Variants in ELF2 observed in about 807,000 individuals in gnomAD.
ELF2 encodes E74 like ETS transcription factor 2.
Under a neutral mutation model 54.8 loss-of-function variants are expected in ELF2, and 11 were observed. That is an observed-to-expected ratio of 0.20 (90% CI 0.13 to 0.33). The LOEUF is 0.33. Ranked by LOEUF, ELF2 falls within the 10% of genes least tolerant of loss-of-function variation. ELF2 has a pLI of 1.00. For synonymous variants in ELF2, 203 were observed against 245.1 expected, an observed-to-expected ratio of 0.83 and a Z score of 1.61; for missense variants, 513 against 703.0, an observed-to-expected ratio of 0.73 and a Z score of 3.06.
At chr4:139,153,326 T>C (rs1008946924) in intron 1 of ELF2, among the ~76,000 whole-genome samples, 1 of 151,990 alleles carries the variant, frequency 6.6e-6, no homozygotes, top group South Asian at 2.1e-4. Flanking sequence ...TCCCAGCTAC[T>C]CAGGAGGCTG....
At chr4:139,084,066 C>T (rs1731601461) in intron 4 of ELF2, 1 of 1,609,198 alleles carries the variant, frequency 6.2e-7, no homozygotes, top group African/African-American at 1.3e-5. Context: ...AGGGGAGTCA[C>T]CCCGCCTTCT....
chr4:139,071,958 A>G lies in ELF2; in HGVS notation c.434T>C (p.Val145Ala). ...AMRPDVITETVVEVSTEESEP... is the reference protein window; with the variant it reads ...AMRPDVITETAVEVSTEESEP... Reference sequence around the variant, plus strand: ...AGACTCTTCAGTTGACACCTCCACTACAGTTTCTGTAATGACATCTGGCCT... The same window carrying G: ...AGACTCTTCAGTTGACACCTCCACTGCAGTTTCTGTAATGACATCTGGCCT... The change falls in exon 6 of 10, where the codon GTA becomes GCA. Residue 145 changes from valine (V) to alanine (A), a missense_variant. This residue lies in a region of ELF2 where 203 missense variants were observed against 245.9 expected (regional missense o/e 0.83). Transcript: ENST00000686138. The G allele has an allele frequency of 6.2e-7, 1 of 1,614,018 alleles. No homozygotes were observed. Among genetic ancestry groups the G allele is most frequent in the South Asian group, 1.1e-5 (1 of 91,074 alleles).
At chr4:139,088,103 G>A (rs1004248198) in intron 4 of ELF2, among the ~76,000 whole-genome samples, 2 of 151,850 alleles carry the variant, frequency 1.3e-5, no homozygotes, top group Non-Finnish European at 2.9e-5. Context: ...CCTGGCCAAG[G>A]TGGTGACAGC....
At chr4:139,097,123 G>A (rs916030597) in intron 4 of ELF2, among the ~76,000 whole-genome samples, 11 of 152,042 alleles carry the variant, frequency 7.2e-5, no homozygotes, top group Admixed American at 5.2e-4. Flanking sequence ...TACATTCAAA[G>A]CTATTATATT....
intron 7 of ELF2, among the ~76,000 whole-genome samples, chr4:139,063,292 C>G (rs7697786): frequency 0.17 from 26,350 of 151,926 alleles, 2,824 homozygotes; most frequent in South Asian, 0.34. Context: ...ATTACTGCCT[C>G]TAAAAACAGA....
At chr4:139,140,854 A>G (rs892625102) in intron 1 of ELF2, among the ~76,000 whole-genome samples, 1 of 152,110 alleles carries the variant, frequency 6.6e-6, no homozygotes, top group Non-Finnish European at 1.5e-5. Context: ...TAGATAAGAA[A>G]TCTTTTATAT....
intron 1 of ELF2, among the ~76,000 whole-genome samples, chr4:139,158,115 G>C (rs1160241872): frequency 1.3e-5 from 2 of 152,148 alleles, no homozygotes; most frequent in African/African-American, 4.8e-5. Context: ...TATAGGATTT[G>C]GGTAGGTAAT....
intron 4 of ELF2, among the ~76,000 whole-genome samples, chr4:139,078,938 CTG>C (rs796414329): frequency 2.6e-5 from 4 of 152,070 alleles, no homozygotes; most frequent in African/African-American, 7.2e-5. Context: ...TGAAAAATAA[CTG>C]TTTTTTGAGA....
Position 139,173,385 on chromosome 4 carries a change from A to G in ELF2, c.-252+3582T>C, listed in dbSNP as rs574823597. Among the ~76,000 whole-genome samples the G allele has an allele frequency of 2.0e-5, 3 of 152,340 alleles. No homozygotes were observed. In the East Asian group the frequency reaches 5.8e-4, roughly 29 times the overall value. The stretch of plus-strand genomic sequence containing the variant: ...GCAGCATAATAGCCCAAAAAAATAG[A>G]AACTTAAATGTCCATCAACTGATGC... On this transcript the variant is annotated intron_variant, in intron 1 of 9. Transcript: ENST00000686138.
chr4:139,078,576 T>C (rs1328345370), intron 4 of ELF2, among the ~76,000 whole-genome samples: 4 of 84,536 alleles, frequency 4.7e-5, no homozygotes, highest in African/African-American at 1.9e-4. Context: ...TGGCAATTCT[T>C]TTTTTTTTTT....
intron 3 of ELF2, chr4:139,137,417 T>C: frequency 1.7e-6 from 1 of 588,870 alleles, no homozygotes; most frequent in Non-Finnish European, 3.0e-6. Flanking sequence ...AAGTTCATTC[T>C]AATATATGTA....
rs1440384743 is a variant in ELF2 at position 139,057,908 on chromosome 4, A to C, written c.*1075T>G. The C allele has an allele frequency of 6.6e-6, 1 of 152,654 alleles. No homozygotes were observed. Among genetic ancestry groups the C allele is most frequent in the Non-Finnish European group, 1.5e-5 (1 of 68,036 alleles). 9.5% of individuals were successfully genotyped at this position (152,654 alleles called of 1,614,324 possible). A position where few individuals can be genotyped will look rare whatever the true frequency, so the allele number is the denominator to read the frequency against. On this transcript the variant is annotated 3_prime_UTR_variant, in exon 10 of 10. Transcript: ENST00000686138. ...AGAAAACCTACTTGAATACACTTTG[A>C]AACAAGAGTACAACAAAATAGAATA... is the stretch of plus-strand genomic sequence containing the variant.
intron 4 of ELF2, among the ~76,000 whole-genome samples, chr4:139,075,583 C>A (rs997188153): frequency 1.6e-4 from 24 of 152,192 alleles, no homozygotes. Flanking sequence ...GCACATGCCA[C>A]CATACCGGAT....
At position 139,059,798 on chromosome 4, in the gene ELF2, A is replaced by AG. The variant is rs1460089081; in HGVS notation, c.1158-192dup. Among the ~76,000 whole-genome samples the AG allele has an allele frequency of 2.6e-5, 4 of 152,114 alleles. No individual in the cohort carries two copies. In the East Asian group the frequency reaches 7.7e-4, roughly 29 times the overall value. ...ATTTTAAAAACTAAAGCCTACATTA[A>AG]GCTCCATCTATAAAACCATAAAAAC... is the stretch of plus-strand genomic sequence containing the variant. On this transcript the variant is annotated intron_variant, in intron 9 of 9. Coordinates refer to ENST00000686138, the MANE Select transcript of ELF2 (RefSeq NM_001331036.3).
intron 5 of ELF2, 69 bp downstream of exon 5, chr4:139,073,384 AC>A (rs1729801192): frequency 9.9e-6 from 11 of 1,114,138 alleles, no homozygotes; most frequent in Admixed American, 5.4e-5. Context: ...GATTAAAAAA[AC>A]AAAAAACTTT....
intron 1 of ELF2, among the ~76,000 whole-genome samples, chr4:139,164,108 G>A (rs1044467615): frequency 4.7e-5 from 7 of 149,772 alleles, no homozygotes; most frequent in Admixed American, 2.7e-4. Context: ...GAGAGAGAAA[G>A]AGGGAGGAAG....
Position 139,164,164 on chromosome 4 carries a change from AAAAG to A in ELF2, c.-252+12799_-252+12802del, listed in dbSNP as rs376148384. ...AAGAGAGAGAAAGAAAGAAAGAAGG[AAAAG>A]AAAGAAAGAAAGAGAGGGAGATGAA... On this transcript the variant is annotated intron_variant, in intron 1 of 9. Transcript: ENST00000686138. Among the ~76,000 whole-genome samples the A allele has an allele frequency of 1.6e-3, 236 of 148,030 alleles. 1 individual carries two copies. Among genetic ancestry groups the A allele is most frequent in the African/African-American group, 4.9e-3 (198 of 40,070 alleles).
chr4:139,122,647 G>A (rs1736501168), intron 4 of ELF2, among the ~76,000 whole-genome samples: 2 of 151,946 alleles, frequency 1.3e-5, no homozygotes, highest in East Asian at 2.0e-4. Flanking sequence ...GACTACAGAC[G>A]CATGCCACCA....
Position 139,084,438 on chromosome 4 carries a change from GGGC to G in ELF2, c.239-10874_239-10872del, listed in dbSNP as rs34769754. ...GCAGGGGCAGGGGCGGCAGGGGCAGGGGCGGCGGCGGCGGCGGCGGCGGCTGTG... is the reference window on the plus strand; with the variant it reads ...GCAGGGGCAGGGGCGGCAGGGGCAGGGGCGGCGGCGGCGGCGGCGGCTGTG... On this transcript the variant is annotated intron_variant, in intron 4 of 9. Coordinates refer to ENST00000686138, the MANE Select transcript of ELF2 (RefSeq NM_001331036.3). The G allele has an allele frequency of 3.9e-3, 4,402 of 1,115,572 alleles. 15 individuals carry two copies. The highest frequency in any genetic ancestry group is 6.0e-3 in the Middle Eastern group (16 of 2,676). The allele number at this position is 1,115,572 out of a possible 1,614,324, so 69.1% of individuals were successfully genotyped here.
Sources: gnomAD v4.1 joint callset for allele counts (sites outside exome capture counted in the v4.1 genomes callset) on GRCh38, gnomAD v4.1.1 for gene constraint, gnomAD v4.1.1 regional missense constraint, MANE v1.5 for transcripts, NCBI Gene and HGNC (gene_info 2026-07-23, HGNC 2026-07-21) for gene names.